The following ROBO4 variants were observed in gnomAD, a reference collection of about 807,000 sequenced individuals.
ROBO4 encodes roundabout homolog 4.
Under a neutral mutation model 103.3 loss-of-function variants are expected in ROBO4, and 80 were observed. The ratio of observed to expected loss-of-function variants is 0.77; its 90% confidence interval spans 0.65 to 0.93. ROBO4 has a LOEUF of 0.93. ROBO4 is among the 40% of genes least tolerant of loss of function. ROBO4 has a pLI of 0.00. For missense variants in ROBO4, 1,333 were observed against 1,305.3 expected, an observed-to-expected ratio of 1.02 and a Z score of -0.33; for synonymous variants, 504 against 529.7, an observed-to-expected ratio of 0.95 and a Z score of 0.67.
At chr11:124,894,398 CCCCAGGCACCAT>C (rs1157729183) in intron 7 of ROBO4, 29 bp from the exon 8 acceptor site, 21 of 1,592,244 alleles carry the variant, frequency 1.3e-5, no homozygotes, top group African/African-American at 5.4e-5. Context: ...TGAACAGCTT[CCCCAGGCACCAT>C]CCCAGAAGCC....
chr11:124,891,700 C>CG lies in ROBO4; in HGVS notation c.1649dup (p.Asp551GlyfsTer38). The CG allele has an allele frequency of 6.2e-7, 1 of 1,614,168 alleles. No individual in the cohort carries two copies. The highest frequency in any genetic ancestry group is 8.5e-7 in the Non-Finnish European group (1 of 1,180,042). ...GACAGTCTAGTGGGTCCCGGGCATC[C>CG]GCCCCCAGCCGACTGCTGAGGCTGC... On this transcript the variant is annotated frameshift_variant, in exon 11 of 18. Transcript: ENST00000306534. LOFTEE classifies it high-confidence loss of function.
chr11:124,896,201 G>T lies in ROBO4; in HGVS notation c.676C>A (p.Gln226Lys). 6.2e-7 allele frequency: 1 copy of T among 1,613,848 alleles called. No homozygotes were observed. Residue 226 changes from glutamine to lysine, a missense_variant, in exon 4 of 18, where the codon CAG becomes AAG. Physicochemically the swap from Gln to Lys is moderately conservative, Grantham distance 53 (BLOSUM62 1). Transcript: ENST00000306534. The stretch of plus-strand genomic sequence containing the variant: ...TGTAGCCCACCCCTGCCCTTACCCT[G>T]GATGGAAACCCGGGCTGCGCGGCTC... ...RESRAARVSIQEPQDYTEPVE... is the reference protein window; with the variant it reads ...RESRAARVSIKEPQDYTEPVE...
In ROBO4 at chr11:124,894,239, C is replaced by T; in HGVS notation, c.1280G>A (p.Gly427Glu). 1 of 1,613,794 alleles carries T rather than the reference C, an allele frequency of 6.2e-7. No individual in the cohort carries two copies. The highest frequency in any genetic ancestry group is 8.5e-7 in the Non-Finnish European group (1 of 1,179,936). The change falls in exon 8 of 18, where the codon GGA becomes GAA. Residue 427 changes from glycine to glutamate, a missense_variant. Gly to Glu is a moderately conservative substitution (Grantham distance 98). Transcript: ENST00000306534. ...GACAGGTCTACTGGGCTCCCCAGCTCCAGCACCAGTGACTGCAGCCACTTG... is the reference window on the plus strand; with the variant it reads ...GACAGGTCTACTGGGCTCCCCAGCTTCAGCACCAGTGACTGCAGCCACTTG... The part of the protein sequence containing the change: ...CVQVAAVTGA[G>E]AGEPSRPVCL...
In ROBO4 at chr11:124,887,165, G is replaced by A. The variant is rs1287005910; in HGVS notation, c.2247C>T (p.Ala749=). 1.9e-6 allele frequency: 3 copies of A among 1,606,316 alleles called. No homozygotes were observed. The highest frequency in any genetic ancestry group is 2.7e-5 in the African/African-American group (2 of 74,752). ...QAPSSILLPA[A]PIPILSPCSP... ...TGCAGGGGCTAAGGATGGGGATGGG[G>A]GCTGCTGGCAGCAGGATGGAGGAGG... The change falls in exon 15 of 18, where the codon GCC becomes GCT. Residue 749 remains alanine, a synonymous_variant. Transcript: ENST00000306534.
rs769610546 is a variant in ROBO4 at position 124,895,565 on chromosome 11, G to A, written c.928C>T (p.Leu310Phe). The A allele has an allele frequency of 1.2e-6, 2 of 1,613,082 alleles. No individual in the cohort carries two copies. The highest frequency in any genetic ancestry group is 2.2e-5 in the South Asian group (2 of 91,084). ...TCTTGGCCCCAGTGGAGGCCTCCAA[G>A]CTCTGCGCTCTGCCAGCCGGCCAGC... ...ELLAGWQSAE[L>F]GGLHWGQDYE... The change falls in exon 6 of 18, where the codon CTT becomes TTT. Residue 310 changes from leucine (L) to phenylalanine (F), a missense_variant. Physicochemically the swap from Leu to Phe is conservative, Grantham distance 22 (BLOSUM62 0). Coordinates refer to ENST00000306534, the MANE Select transcript of ROBO4 (RefSeq NM_019055.6).
chr11:124,895,156 A>T lies in ROBO4; in HGVS notation c.1074T>A (p.Pro358=). 1 of 1,614,158 alleles carries T rather than the reference A, an allele frequency of 6.2e-7. No individual in the cohort carries two copies. The highest frequency in any genetic ancestry group is 8.5e-7 in the Non-Finnish European group (1 of 1,179,996). The change falls in exon 7 of 18, where the codon CCT becomes CCA. Residue 358 remains proline, a synonymous_variant. Transcript: ENST00000306534. ...SAPPQEVTLK[P]GNGTVFVSWV... is the part of the protein sequence containing the mutation. The stretch of plus-strand genomic sequence containing the variant: ...AGCTCACAAAGACAGTGCCATTGCC[A>T]GGCTTTAGAGTCACTTCCTGAGGTG...
chr11:124,887,785 G>T lies in ROBO4; in HGVS notation c.2004C>A (p.Leu668=), dbSNP rs1408036942. 6.2e-7 allele frequency: 1 copy of T among 1,613,986 alleles called. No homozygotes were observed. The highest frequency in any genetic ancestry group is 8.5e-7 in the Non-Finnish European group (1 of 1,179,954). ...CTCTATTTCCTAACTCACAGGCCCG[G>T]AGCTCCAAGGAGTGGCTGCCCCGGA... is the stretch of plus-strand genomic sequence containing the variant. ...PLLRGSHSLE[L]RACELGNRGS... Residue 668 remains leucine (L), a synonymous_variant, in exon 13 of 18, where the codon CTC becomes CTA. Transcript: ENST00000306534.
At chr11:124,895,343 C>T (rs1002373610) in intron 6 of ROBO4, 114 bp downstream of exon 6, 3 of 1,206,848 alleles carry the variant, frequency 2.5e-6, no homozygotes, top group Admixed American at 2.0e-5. Flanking sequence ...GAAGGGAGTC[C>T]CAGGGTAGGA....
chr11:124,895,989 G>T (rs986487143), intron 4 of ROBO4, 77 bp from the exon 5 acceptor site: 1 of 1,591,326 alleles, frequency 6.3e-7, no homozygotes, highest in African/African-American at 1.3e-5. Context: ...CCCTCAGCCA[G>T]GGAGGAACCC....
chr11:124,894,447 C>T (rs1946850251), intron 7 of ROBO4, 78 bp from the exon 8 acceptor site: 1 of 1,436,422 alleles, frequency 7.0e-7, no homozygotes, highest in South Asian at 1.3e-5. Flanking sequence ...GATCAGACTC[C>T]AGGGGTGTGG....
chr11:124,887,167 C>T lies in ROBO4; in HGVS notation c.2245G>A (p.Ala749Thr), dbSNP rs1228354514. 1.2e-6 allele frequency: 2 copies of T among 1,604,978 alleles called. No homozygotes were observed. Among genetic ancestry groups the T allele is most frequent in the Non-Finnish European group, 1.7e-6 (2 of 1,174,764 alleles). ...QAPSSILLPA[A>T]PIPILSPCSP... ...CAGGGGCTAAGGATGGGGATGGGGG[C>T]TGCTGGCAGCAGGATGGAGGAGGGA... Residue 749 changes from alanine to threonine, a missense_variant, in exon 15 of 18, where the codon GCC becomes ACC. Transcript: ENST00000306534.
rs143995311 is a variant in ROBO4 at position 124,891,472 on chromosome 11, C to T, written c.1775G>A (p.Ser592Asn). The T allele has an allele frequency of 8.0e-4, 1,290 of 1,612,148 alleles. 3 individuals carry two copies. Among genetic ancestry groups the T allele is most frequent in the Non-Finnish European group, 8.8e-4 (1,034 of 1,178,934 alleles). ...YGSLIAELPS[S>N]TPARPSPQVP... ...CTGGGGACTTGGCCTGGCTGGGGTACTGGAGGGCAGCTCAGCGATGAGGGA... is the reference window on the plus strand; with the variant it reads ...CTGGGGACTTGGCCTGGCTGGGGTATTGGAGGGCAGCTCAGCGATGAGGGA... The change falls in exon 12 of 18, where the codon AGT (serine) becomes AAT (asparagine). Residue 592 changes from serine to asparagine, a missense_variant. By Grantham distance (46) the Ser-to-Asn change is conservative. Coordinates refer to ENST00000306534, the MANE Select transcript of ROBO4 (RefSeq NM_019055.6).
rs1333430676 is a variant in ROBO4 at position 124,884,112 on chromosome 11, C to T, written c.*779G>A. The T allele has an allele frequency of 6.6e-6, 1 of 152,122 alleles. No individual in the cohort carries two copies. The highest frequency in any genetic ancestry group is 1.5e-5 in the Non-Finnish European group (1 of 68,020). 9.4% of individuals were successfully genotyped at this position (152,122 alleles called of 1,614,324 possible). The stretch of plus-strand genomic sequence containing the variant: ...TTGCAGAACAGAAATGTGTGACACT[C>T]CCTGAGTGTCAATGAATGCCTGATC... On this transcript the variant is annotated 3_prime_UTR_variant, in exon 18 of 18. Coordinates refer to ENST00000306534, the MANE Select transcript of ROBO4 (RefSeq NM_019055.6).
At position 124,885,088 on chromosome 11, in the gene ROBO4, A is replaced by G; in HGVS notation, c.2954T>C (p.Ile985Thr). The change falls in exon 17 of 18, where the codon ATC becomes ACC. Residue 985 changes from isoleucine (I) to threonine (T), a missense_variant. Ile to Thr is a moderately conservative substitution (Grantham distance 89). Coordinates refer to ENST00000306534, the MANE Select transcript of ROBO4 (RefSeq NM_019055.6). Reference protein sequence around the residue: ...GMPPWPPDSQISSQRSQLHCR... With the variant: ...GMPPWPPDSQTSSQRSQLHCR... ...GTGGAGCTGACTTCTCTGGGAAGAGATCTGAGAGTCAGGGGGCCAGGGAGG... is the reference window on the plus strand; with the variant it reads ...GTGGAGCTGACTTCTCTGGGAAGAGGTCTGAGAGTCAGGGGGCCAGGGAGG... 6.2e-7 allele frequency: 1 copy of G among 1,614,142 alleles called. No individual in the cohort carries two copies. The highest frequency in any genetic ancestry group is 8.5e-7 in the Non-Finnish European group (1 of 1,180,034).
In ROBO4 at chr11:124,887,796, A is replaced by T. The variant is rs1351317198; in HGVS notation, c.1993T>A (p.Ser665Thr). 6.2e-7 allele frequency: 1 copy of T among 1,613,986 alleles called. No homozygotes were observed. The highest frequency in any genetic ancestry group is 1.1e-5 in the South Asian group (1 of 91,060). ...NSSPLLRGSH[S>T]LELRACELGN... is the part of the protein sequence containing the mutation. ...AACTCACAGGCCCGGAGCTCCAAGG[A>T]GTGGCTGCCCCGGAGCAGTGGGGAA... The change falls in exon 13 of 18, where the codon TCC becomes ACC. Residue 665 changes from serine (S) to threonine (T), a missense_variant. Physicochemically the swap from Ser to Thr is moderately conservative, Grantham distance 58. Transcript: ENST00000306534.
In ROBO4 at chr11:124,887,132, AG is replaced by A. The variant is rs1249089582; in HGVS notation, c.2279del (p.Pro760LeufsTer34). ...CAGAGAGGGAAGAGGCCTGGGGGCT[AG>A]GGGGACTGCAGGGGCTAAGGATGGG... Reference protein sequence around the residue: ...PIPILSPCSPPSPQASSLSGP... With the variant: ...PIPILSPCSPXSPQASSLSGP... On this transcript the variant is annotated frameshift_variant, in exon 15 of 18. Coordinates refer to ENST00000306534, the MANE Select transcript of ROBO4 (RefSeq NM_019055.6). LOFTEE classifies it high-confidence loss of function. 3 of 1,608,796 alleles carry A rather than the reference AG, an allele frequency of 1.9e-6. No homozygotes were observed. The highest frequency in any genetic ancestry group is 2.5e-6 in the Non-Finnish European group (3 of 1,176,556).
chr11:124,886,396 G>A (rs1238025561), intron 16 of ROBO4, 68 bp downstream of exon 16: 3 of 1,202,830 alleles, frequency 2.5e-6, no homozygotes, highest in South Asian at 1.4e-5. Flanking sequence ...TAACAATGAT[G>A]ACATGATAAC....
intron 12 of ROBO4, 126 bp downstream of exon 12, chr11:124,891,173 G>A (rs1946790932): frequency 1.7e-6 from 2 of 1,183,652 alleles, no homozygotes; most frequent in African/African-American, 3.1e-5. Flanking sequence ...CACCTGGAGA[G>A]GAGAATGGAA....
chr11:124,896,395 G>T, intron 3 of ROBO4, 77 bp from the exon 4 acceptor site: 1 of 1,597,216 alleles, frequency 6.3e-7, no homozygotes, highest in Non-Finnish European at 8.5e-7. Flanking sequence ...GAGGCCCCCT[G>T]CTCTCCCCTC....
Sources: allele counts gnomAD v4.1 joint callset, GRCh38; gene constraint gnomAD v4.1.1; transcripts MANE v1.5; gene names NCBI Gene and HGNC (gene_info 2026-07-23, HGNC 2026-07-21).